FBXL2: variants seen among roughly 807,000 people sequenced by gnomAD.
The protein encoded by FBXL2 is F-box and leucine rich repeat protein 2, also known as F-box/LRR-repeat protein 2.
In FBXL2, 38 loss-of-function variants were observed where a neutral mutation model predicts 69.2. The observed-to-expected ratio is 0.55, with a 90% confidence interval of 0.42 to 0.72. The LOEUF is 0.72. Among genes scored for constraint, FBXL2 ranks in the 30% least tolerant of loss-of-function variants. FBXL2 has a pLI of 0.00. For missense variants in FBXL2, 354 were observed against 520.3 expected (o/e 0.68, Z 3.11); for synonymous variants, 192 against 201.3 (o/e 0.95, Z 0.39).
At chr3:33,370,155 C>A (rs1186860752) in intron 5 of FBXL2, among the ~76,000 whole-genome samples, 1 of 151,990 alleles carries the variant, frequency 6.6e-6, no homozygotes, top group African/African-American at 2.4e-5. Context: ...TGGCTCACGC[C>A]TGTAATCCCA....
At chr3:33,353,163 C>G (rs754626916) in intron 2 of FBXL2, among the ~76,000 whole-genome samples, 4 of 152,154 alleles carry the variant, frequency 2.6e-5, no homozygotes, top group Non-Finnish European at 4.4e-5. Context: ...AACAGGAACA[C>G]TTATTCACTG....
chr3:33,319,520 T>C (rs2038014101), intron 2 of FBXL2, among the ~76,000 whole-genome samples: 2 of 152,186 alleles, frequency 1.3e-5, no homozygotes, highest in South Asian at 4.1e-4. Flanking sequence ...ATTATTGAAT[T>C]CTTACATATT....
intron 2 of FBXL2, among the ~76,000 whole-genome samples, chr3:33,318,991 A>C (rs2037958382): frequency 6.6e-6 from 1 of 152,228 alleles, no homozygotes; most frequent in Non-Finnish European, 1.5e-5. Context: ...TTTGGTGAGC[A>C]GCTAGCAGTT....
chr3:33,330,095 C>T (rs1360354603), intron 2 of FBXL2, among the ~76,000 whole-genome samples: 1 of 152,016 alleles, frequency 6.6e-6, no homozygotes, highest in African/African-American at 2.4e-5. Flanking sequence ...CCAGGCTGGG[C>T]AACATGGCAA....
At chr3:33,395,518 C>T (rs1219728595) in intron 12 of FBXL2, among the ~76,000 whole-genome samples, 1 of 151,890 alleles carries the variant, frequency 6.6e-6, no homozygotes, top group Non-Finnish European at 1.5e-5. Flanking sequence ...CCTAATCCAG[C>T]ACTATACCGT....
At chr3:33,380,161 G>A (rs1367174253) in intron 13 of FBXL2, among the ~76,000 whole-genome samples, 2 of 148,550 alleles carry the variant, frequency 1.3e-5, no homozygotes, top group East Asian at 4.0e-4. Context: ...GGAGGCGGAG[G>A]TTGCAGTGAG....
downstream of FBXL2, among the ~76,000 whole-genome samples, chr3:33,408,162 T>G (rs1365662363): frequency 1.3e-5 from 2 of 151,982 alleles, no homozygotes; most frequent in Non-Finnish European, 2.9e-5. Context: ...CTTAGAAGCA[T>G]AGACAGACAC....
intron 5 of FBXL2, among the ~76,000 whole-genome samples, chr3:33,370,091 A>G (rs529148654): frequency 3.9e-5 from 6 of 152,238 alleles, no homozygotes; most frequent in Admixed American, 1.3e-4. Context: ...TATGTCTAAA[A>G]AAATCTGTTT....
At chr3:33,296,802 T>G (rs567440489) in intron 1 of FBXL2, among the ~76,000 whole-genome samples, 1 of 152,354 alleles carries the variant, frequency 6.6e-6, no homozygotes, top group South Asian at 2.1e-4. Flanking sequence ...AGCTTTGTAG[T>G]AAATTTCAAA....
At chr3:33,364,768 A>G (rs902527612) in intron 5 of FBXL2, 49 bp downstream of exon 5, 3 of 1,471,994 alleles carry the variant, frequency 2.0e-6, no homozygotes, top group East Asian at 4.5e-5. Context: ...TAGCATTTTC[A>G]TCAGCAAAAA....
At chr3:33,353,194 T>TA (rs2040953012) in intron 2 of FBXL2, among the ~76,000 whole-genome samples, 1 of 152,178 alleles carries the variant, frequency 6.6e-6, no homozygotes. Flanking sequence ...TTCAAAATGG[T>TA]ACAGCCAGTT....
At chr3:33,417,687 A>G in the FBXL2 span, among the ~76,000 whole-genome samples, 3 of 152,234 alleles carry the variant, frequency 2.0e-5, no homozygotes, top group Non-Finnish European at 4.4e-5. Context: ...TCCACAAAAA[A>G]TGATTTCTGG....
At chr3:33,277,599 G>A (rs1347685524) in intron 1 of FBXL2, 84 bp downstream of exon 1, 3 of 1,229,322 alleles carry the variant, frequency 2.4e-6, no homozygotes, top group Non-Finnish European at 2.1e-6. Flanking sequence ...GCTAGGGTCG[G>A]GCAGGCGGCG....
chr3:33,302,104 A>G (rs549535577), intron 2 of FBXL2, among the ~76,000 whole-genome samples: 3 of 152,182 alleles, frequency 2.0e-5, no homozygotes, highest in Non-Finnish European at 2.9e-5. Flanking sequence ...CTATTTGACA[A>G]TGCAGTCAGC....
At chr3:33,403,186 G>A (rs1263528412) in intron 12 of FBXL2, 2 of 310,086 alleles carry the variant, frequency 6.4e-6, no homozygotes, top group Non-Finnish European at 1.2e-5. Flanking sequence ...AAGTATAATT[G>A]CTTTGAAGAG....
intron 2 of FBXL2, among the ~76,000 whole-genome samples, chr3:33,334,577 A>G (rs770459672): frequency 2.0e-5 from 3 of 152,218 alleles, no homozygotes; most frequent in African/African-American, 2.4e-5. Context: ...TAACATACAT[A>G]TAATTGGAGG....
At chr3:33,395,899 T>A in intron 12 of FBXL2, among the ~76,000 whole-genome samples, 1 of 149,652 alleles carries the variant, frequency 6.7e-6, no homozygotes, top group African/African-American at 2.5e-5. Context: ...GTTTTTCCAC[T>A]TGTTAGATAT....
downstream of FBXL2, chr3:33,389,531 A>G (rs1489095995): frequency 6.6e-6 from 1 of 152,154 alleles, no homozygotes; most frequent in Non-Finnish European, 1.5e-5. Flanking sequence ...AAAATGAGAG[A>G]AAAACCACGA....
chr3:33,292,578 C>T (rs187001851), intron 1 of FBXL2, among the ~76,000 whole-genome samples: 90 of 152,240 alleles, frequency 5.9e-4, no homozygotes, highest in African/African-American at 1.9e-3. Flanking sequence ...CCACTATCAA[C>T]CAACTTGATC....
Sources: gnomAD v4.1 joint callset for allele counts (sites outside exome capture counted in the v4.1 genomes callset) on GRCh38, gnomAD v4.1.1 for gene constraint, MANE v1.5 for transcripts, NCBI Gene and HGNC (gene_info 2026-07-23, HGNC 2026-07-21) for gene names.